ARHGAP20: variants seen among roughly 807,000 people sequenced by gnomAD.
ARHGAP20 encodes the protein rho GTPase-activating protein 20.
A neutral mutation model predicts 73.7 loss-of-function variants in ARHGAP20; 34 were observed. That is an observed-to-expected ratio of 0.46 (90% CI 0.35 to 0.61). The LOEUF (loss-of-function observed/expected upper bound fraction) is 0.61, where lower values mean the gene tolerates loss of function less well. Among genes scored for constraint, ARHGAP20 ranks in the 20% least tolerant of loss-of-function variants. The pLI is 0.00. For synonymous variants in ARHGAP20, 523 were observed against 518.2 expected (o/e 1.01, Z -0.13); for missense variants, 1,314 against 1,420.9 (o/e 0.92, Z 1.21).
In ARHGAP20 at chr11:110,648,189, GTAAA is replaced by G. The variant is rs1208340679; in HGVS notation, c.189-17401_189-17398del. On this transcript the variant is annotated intron_variant, in intron 2 of 14. Transcript: ENST00000683387. ...TATATGTAAATATATATATATATAT[GTAAA>G]TATATATATATATGTAAATATATAT... Among the ~76,000 whole-genome samples, 222 of 79,942 alleles carry G rather than the reference GTAAA, an allele frequency of 2.8e-3. 1 individual carries two copies. Among genetic ancestry groups the G allele is most frequent in the Admixed American group, 7.2e-3 (52 of 7,234 alleles). 52.4% of individuals were successfully genotyped at this position (79,942 alleles called of 152,430 possible). A position where few individuals can be genotyped will look rare whatever the true frequency, so the allele number is the denominator to read the frequency against.
chr11:110,584,146 T>C (rs1377993849), intron 12 of ARHGAP20, among the ~76,000 whole-genome samples: 3 of 152,214 alleles, frequency 2.0e-5, no homozygotes, highest in Non-Finnish European at 4.4e-5. Context: ...CTCATTTAAG[T>C]AGCAACACAG....
chr11:110,607,921 T>G (rs1017724342), intron 8 of ARHGAP20, among the ~76,000 whole-genome samples: 2 of 152,200 alleles, frequency 1.3e-5, no homozygotes, highest in African/African-American at 2.4e-5. Flanking sequence ...ATTAAAACAA[T>G]TATTTCAAGT....
Position 110,699,671 on chromosome 11 carries a change from G to C in ARHGAP20, c.106-9042C>G, listed in dbSNP as rs1346867594. 4.0e-5 allele frequency among the ~76,000 whole-genome samples: 6 copies of C among 151,732 alleles called. No homozygotes were observed. The East Asian group carries it at 1.2e-3, about 29-fold the overall frequency. On this transcript the variant is annotated intron_variant, in intron 1 of 14. Transcript: ENST00000683387. ...ATAATGCTCATTTGTCTTTTCTATT[G>C]TTGGTTTAAAGCCTGTTTTATCTGA...
chr11:110,649,481 T>C (rs1484811721), intron 2 of ARHGAP20, among the ~76,000 whole-genome samples: 1 of 151,990 alleles, frequency 6.6e-6, no homozygotes, highest in Non-Finnish European at 1.5e-5. Flanking sequence ...GAGACAAGCT[T>C]AAAGTTGGTA....
intron 11 of ARHGAP20, among the ~76,000 whole-genome samples, chr11:110,588,146 A>C (rs1947720466): frequency 6.6e-6 from 1 of 152,202 alleles, no homozygotes; most frequent in South Asian, 2.1e-4. Context: ...AGCTGGAATA[A>C]CAAGTTACGA....
In ARHGAP20 at chr11:110,672,477, T is replaced by A. The variant is rs551112532; in HGVS notation, c.188+18070A>T. 5.9e-5 allele frequency among the ~76,000 whole-genome samples: 9 copies of A among 152,268 alleles called. No homozygotes were observed. The East Asian group carries it at 1.5e-3, about 26-fold the overall frequency. ...CCATACACCCACCAGATGGCTAATT[T>A]TTTTTTTCTTTTCTTTCGAGATGGA... On this transcript the variant is annotated intron_variant, in intron 2 of 14. Transcript: ENST00000683387.
chr11:110,583,559 A>T lies in ARHGAP20; in HGVS notation c.1594T>A (p.Phe532Ile), dbSNP rs1451242913. 3 of 1,595,386 alleles carry T rather than the reference A, an allele frequency of 1.9e-6. No homozygotes were observed. The highest frequency in any genetic ancestry group is 2.3e-5 in the South Asian group (2 of 87,968). The change falls in exon 13 of 15, where the codon TTT (phenylalanine) becomes ATT (isoleucine). Residue 532 changes from phenylalanine to isoleucine, a missense_variant. Coordinates refer to ENST00000683387, the MANE Select transcript of ARHGAP20 (RefSeq NM_001384657.1). ...ASSSPELENE[F>I]TKKVSLLIQF... ...AAAAACTTCATTACCTTTTTTGTAA[A>T]TTCGTTTTCTAGTTCTGGGCTGGAG...
intron 2 of ARHGAP20, among the ~76,000 whole-genome samples, chr11:110,678,522 A>G (rs1453159692): frequency 6.6e-6 from 1 of 152,248 alleles, no homozygotes. Context: ...GTAAGAATAC[A>G]TAAAACATAT....
chr11:110,591,337 C>T (rs944364489), intron 10 of ARHGAP20, among the ~76,000 whole-genome samples: 1 of 152,198 alleles, frequency 6.6e-6, no homozygotes, highest in African/African-American at 2.4e-5. Context: ...ATGATAACAA[C>T]TATCCCCTAA....
At chr11:110,705,592 G>A (rs1950537831) in intron 1 of ARHGAP20, among the ~76,000 whole-genome samples, 2 of 152,246 alleles carry the variant, frequency 1.3e-5, no homozygotes, top group South Asian at 4.2e-4. Context: ...TGTAGTCTAT[G>A]AACTTTAGAG....
intron 2 of ARHGAP20, among the ~76,000 whole-genome samples, chr11:110,670,749 A>C (rs949639086): frequency 2.0e-5 from 3 of 152,064 alleles, no homozygotes; most frequent in African/African-American, 4.8e-5. Context: ...ACAGATCTCT[A>C]TCTCTCATGA....
chr11:110,687,105 C>CACACAG (rs1555102836), intron 2 of ARHGAP20, among the ~76,000 whole-genome samples: 10 of 148,452 alleles, frequency 6.7e-5, no homozygotes, highest in African/African-American at 2.5e-4. Flanking sequence ...CACACACACA[C>CACACAG]ATATATTTTA....
chr11:110,600,656 C>T (rs116834600), intron 9 of ARHGAP20, among the ~76,000 whole-genome samples: 302 of 152,354 alleles, frequency 2.0e-3, no homozygotes, highest in African/African-American at 6.9e-3. Flanking sequence ...ACAGAGATTT[C>T]TGGCCAGAAA....
intron 1 of ARHGAP20, among the ~76,000 whole-genome samples, chr11:110,698,481 T>A (rs930281059): frequency 6.6e-6 from 1 of 151,790 alleles, no homozygotes; most frequent in Non-Finnish European, 1.5e-5. Flanking sequence ...TTTAGAAGTT[T>A]CGGTAAGATT....
intron 9 of ARHGAP20, among the ~76,000 whole-genome samples, chr11:110,594,895 TA>T (rs986166733): frequency 6.6e-6 from 1 of 151,742 alleles, no homozygotes; most frequent in African/African-American, 2.4e-5. Context: ...AAATCCTCAA[TA>T]AAATACTGGC....
chr11:110,584,431 TC>T (rs1277851847), intron 12 of ARHGAP20, among the ~76,000 whole-genome samples: 12 of 151,936 alleles, frequency 7.9e-5, no homozygotes, highest in African/African-American at 1.7e-4. Flanking sequence ...TTTTTTTTTT[TC>T]AATAGAAACC....
At chr11:110,636,640 C>G (rs1243236506) in intron 2 of ARHGAP20, among the ~76,000 whole-genome samples, 1 of 151,906 alleles carries the variant, frequency 6.6e-6, no homozygotes, top group Non-Finnish European at 1.5e-5. Context: ...TGAGAGATGC[C>G]TGAAGACTTT....
At chr11:110,603,243 A>G (rs1467548878) in intron 9 of ARHGAP20, among the ~76,000 whole-genome samples, 1 of 152,214 alleles carries the variant, frequency 6.6e-6, no homozygotes, top group Non-Finnish European at 1.5e-5. Context: ...TCAATGGCTC[A>G]GCACTGCTAG....
chr11:110,589,807 T>C, intron 11 of ARHGAP20: 1 of 732,622 alleles, frequency 1.4e-6, no homozygotes, highest in Non-Finnish European at 1.7e-6. Context: ...GCTGAAGTCA[T>C]TCTTACTCCA....
Sources: gnomAD v4.1 joint callset for allele counts (sites outside exome capture counted in the v4.1 genomes callset) on GRCh38, gnomAD v4.1.1 for gene constraint, MANE v1.5 for transcripts, NCBI Gene and HGNC (gene_info 2026-07-23, HGNC 2026-07-21) for gene names.